VWCE: variants seen among roughly 807,000 people sequenced by gnomAD.
VWCE encodes von Willebrand factor C and EGF domains, also known as von Willebrand factor C and EGF domain-containing protein.
A neutral mutation model predicts 102.9 loss-of-function variants in VWCE; 68 were observed. The observed-to-expected ratio is 0.66, with a 90% CI of 0.54 to 0.81. VWCE has a LOEUF of 0.81. VWCE is among the 30% of genes least tolerant of loss of function. The pLI is 0.00. For synonymous variants in VWCE, 497 were observed against 515.4 expected, an observed-to-expected ratio of 0.96 and a Z score of 0.48; for missense variants, 1,137 against 1,263.6, an observed-to-expected ratio of 0.90 and a Z score of 1.52.
intron 1 of VWCE, among the ~76,000 whole-genome samples, chr11:61,292,528 G>A (rs1253607121): frequency 6.6e-6 from 1 of 152,164 alleles, no homozygotes; most frequent in East Asian, 1.9e-4. Context: ...AGGTTGAGAA[G>A]GGCAATGGCA....
intron 1 of VWCE, among the ~76,000 whole-genome samples, chr11:61,292,787 C>G (rs1258685415): frequency 1.3e-5 from 2 of 152,088 alleles, no homozygotes; most frequent in Non-Finnish European, 2.9e-5. Flanking sequence ...CACAGTGGGA[C>G]AGACTGTGGA....
chr11:61,290,048 C>T (rs555250537), intron 4 of VWCE, among the ~76,000 whole-genome samples: 1 of 152,258 alleles, frequency 6.6e-6, no homozygotes, highest in Middle Eastern at 3.4e-3. Context: ...GTTTAGCGTC[C>T]CTCATCTTTT....
At chr11:61,278,100 C>T (rs1307502362) in intron 10 of VWCE, among the ~76,000 whole-genome samples, 1 of 152,210 alleles carries the variant, frequency 6.6e-6, no homozygotes, top group East Asian at 1.9e-4. Context: ...AACAGCTTCC[C>T]TGGTGGGAAG....
intron 14 of VWCE, among the ~76,000 whole-genome samples, chr11:61,269,895 T>C (rs1854623301): frequency 6.6e-6 from 1 of 150,882 alleles, no homozygotes; most frequent in African/African-American, 2.4e-5. Context: ...CTAATTTCAA[T>C]GAGACGTGTT....
chr11:61,284,151 G>T (rs1855234153), intron 5 of VWCE, among the ~76,000 whole-genome samples: 1 of 151,668 alleles, frequency 6.6e-6, no homozygotes, highest in Admixed American at 6.6e-5. Context: ...ATAGCTTAAG[G>T]CCAGGAATTT....
At chr11:61,290,731 C>G in intron 4 of VWCE, 68 bp downstream of exon 4, 2 of 1,535,564 alleles carry the variant, frequency 1.3e-6, no homozygotes, top group South Asian at 1.2e-5. Flanking sequence ...ACCATCCTGG[C>G]AGGAGGGGGA....
At chr11:61,279,335 C>T (rs1445212331) in intron 9 of VWCE, among the ~76,000 whole-genome samples, 1 of 152,032 alleles carries the variant, frequency 6.6e-6, no homozygotes, top group African/African-American at 2.4e-5. Flanking sequence ...TTTGGGAGGC[C>T]GAGGCGGGCA....
At chr11:61,291,198 C>A (rs1855492163) in intron 3 of VWCE, 66 bp downstream of exon 3, 5 of 1,439,126 alleles carry the variant, frequency 3.5e-6, no homozygotes, top group Admixed American at 5.3e-5. Context: ...CAAGTGCCCA[C>A]TGCCCAGGAC....
intron 4 of VWCE, among the ~76,000 whole-genome samples, chr11:61,289,550 A>T (rs1329661863): frequency 6.6e-6 from 1 of 151,046 alleles, no homozygotes; most frequent in Non-Finnish European, 1.5e-5. Context: ...AAGCCTAGCG[A>T]AAAAAAAAAT....
chr11:61,295,046 G>T lies in VWCE; in HGVS notation c.-9C>A. 1 of 1,367,842 alleles carries T rather than the reference G, an allele frequency of 7.3e-7. No individual in the cohort carries two copies. Among genetic ancestry groups the T allele is most frequent in the Non-Finnish European group, 9.5e-7 (1 of 1,057,438 alleles). 84.7% of individuals were successfully genotyped at this position (1,367,842 alleles called of 1,614,324 possible). ...AGCAGTCCGGCCCACATGACCGGCG[G>T]CGGCGGGTCCCCCGGGCTGGGCTCG... On this transcript the variant is annotated 5_prime_UTR_variant, in exon 1 of 20. Coordinates refer to ENST00000335613, the MANE Select transcript of VWCE (RefSeq NM_152718.2). The surrounding 1 kb of genome is among the most constrained non-coding windows in gnomAD (Gnocchi z 4.6).
In VWCE at chr11:61,294,946, C is replaced by T. The variant is rs907274156; in HGVS notation, c.92G>A (p.Gly31Glu). Residue 31 changes from glycine to glutamate, a missense_variant, in exon 1 of 20, where the codon GGG becomes GAG. By Grantham distance (98) the Gly-to-Glu change is moderately conservative (BLOSUM62 -2). Around this residue, in one of 5 missense-constraint regions of VWCE, gnomAD observed 575 missense variants for 625.9 expected, o/e 0.92. Transcript: ENST00000335613. The surrounding 1 kb of genome is among the most constrained non-coding windows in gnomAD (Gnocchi z 6.3). ...ARGYTGRKPP[G>E]HFAAERRRLG... ...CGCTTACCTCTCGGCCGCGAAGTGC[C>T]CGGGCGGCTTCCTCCCGGTGTAGCC... 14 of 1,452,716 alleles carry T rather than the reference C, an allele frequency of 9.6e-6. No homozygotes were observed. The highest frequency in any genetic ancestry group is 2.4e-5 in the Admixed American group (1 of 42,430). The allele number at this position is 1,452,716 out of a possible 1,614,324, so 90.0% of individuals were successfully genotyped here. A position where few individuals can be genotyped will look rare whatever the true frequency, so the allele number is the denominator to read the frequency against.
At chr11:61,263,711 T>C (rs1854423468) in intron 19 of VWCE, among the ~76,000 whole-genome samples, 1 of 152,166 alleles carries the variant, frequency 6.6e-6, no homozygotes, top group South Asian at 2.1e-4. Context: ...CTATGTGATC[T>C]TGAGCACAGC....
At chr11:61,285,299 G>A (rs1473112520) in intron 5 of VWCE, among the ~76,000 whole-genome samples, 1 of 152,154 alleles carries the variant, frequency 6.6e-6, no homozygotes, top group African/African-American at 2.4e-5. Flanking sequence ...AAATAATAAT[G>A]TAAGATTCAG....
At position 61,291,307 on chromosome 11, in the gene VWCE, A is replaced by G. The variant is rs1010059364; in HGVS notation, c.252T>C (p.Asn84=). ...GCGSGICIAP[N]VCSCQDGEQG... Reference sequence around the variant, plus strand: ...GCTCTCCATCCTGGCAGGAGCAGACATTGGGAGCGATGCAGATGCCACTCC... The same window carrying G: ...GCTCTCCATCCTGGCAGGAGCAGACGTTGGGAGCGATGCAGATGCCACTCC... Residue 84 remains asparagine (N), a synonymous_variant, in exon 3 of 20, where the codon AAT becomes AAC. Transcript: ENST00000335613. 4 of 1,610,738 alleles carry G rather than the reference A, an allele frequency of 2.5e-6. No homozygotes were observed. The highest frequency in any genetic ancestry group is 3.4e-6 in the Non-Finnish European group (4 of 1,178,244).
chr11:61,268,862 A>T, intron 15 of VWCE, 60 bp downstream of exon 15: 1 of 1,553,834 alleles, frequency 6.4e-7, no homozygotes, highest in Non-Finnish European at 8.9e-7. Flanking sequence ...TATAGGGCTT[A>T]AGGAGCCCGA....
chr11:61,262,089 G>A (rs560520444), intron 19 of VWCE, among the ~76,000 whole-genome samples: 4 of 152,242 alleles, frequency 2.6e-5, no homozygotes, highest in Admixed American at 2.6e-4. Context: ...AAATAGCTGA[G>A]ATTACAGGTG....
intron 19 of VWCE, among the ~76,000 whole-genome samples, chr11:61,262,021 T>G (rs557986395): frequency 1.9e-4 from 29 of 152,206 alleles, no homozygotes; most frequent in African/African-American, 7.0e-4. Flanking sequence ...GGGCGCAGTC[T>G]CAGCTCACTG....
chr11:61,273,119 G>T, intron 13 of VWCE, 80 bp downstream of exon 13: 1 of 1,377,528 alleles, frequency 7.3e-7, no homozygotes, highest in Non-Finnish European at 1.0e-6. Context: ...ACACACACCA[G>T]CAGTCTCAGC....
chr11:61,276,448 G>C (rs1276090104), intron 11 of VWCE, 145 bp downstream of exon 11: 1 of 536,808 alleles, frequency 1.9e-6, no homozygotes, highest in Non-Finnish European at 3.0e-6. Flanking sequence ...CTGGGCTTGG[G>C]GGCTCATGCC....
Sources: allele counts gnomAD v4.1 joint callset (sites outside exome capture counted in the v4.1 genomes callset), GRCh38; gene constraint gnomAD v4.1.1; regional missense constraint gnomAD v4.1.1; non-coding constraint Gnocchi (gnomAD v3.1); transcripts MANE v1.5; gene names NCBI Gene and HGNC (gene_info 2026-07-23, HGNC 2026-07-21).